The following EBF1 variants were observed in gnomAD, a reference collection of about 807,000 sequenced individuals.
EBF1 encodes transcription factor COE1.
EBF1 carries 10 observed loss-of-function variants against 68.4 expected under a neutral mutation model. The ratio of observed to expected loss-of-function variants is 0.15; its 90% CI spans 0.09 to 0.25. The LOEUF (loss-of-function observed/expected upper bound fraction) is 0.25, where lower values mean the gene tolerates loss of function less well. Ranked by LOEUF, EBF1 falls within the 10% of genes least tolerant of loss-of-function variation. The pLI is 1.00. For missense variants in EBF1, 509 were observed against 794.4 expected (o/e 0.64, Z 4.32); for synonymous variants, 298 against 299.8 (o/e 0.99, Z 0.06).
At chr5:159,053,480 A>G (rs1355296697) in intron 6 of EBF1, among the ~76,000 whole-genome samples, 3 of 152,154 alleles carry the variant, frequency 2.0e-5, no homozygotes, top group Admixed American at 1.3e-4. Flanking sequence ...CTTATTTTAC[A>G]TATTACAGGG....
At chr5:158,895,266 T>A (rs1382044414) in intron 6 of EBF1, among the ~76,000 whole-genome samples, 3 of 152,004 alleles carry the variant, frequency 2.0e-5, no homozygotes, top group African/African-American at 4.8e-5. Flanking sequence ...AAAAACGCAG[T>A]AAAAAAATAA....
At chr5:158,970,141 T>G (rs1329177844) in intron 6 of EBF1, among the ~76,000 whole-genome samples, 1 of 152,194 alleles carries the variant, frequency 6.6e-6, no homozygotes, top group Non-Finnish European at 1.5e-5. Context: ...TTATAAAATA[T>G]TTTATCTGCC....
At chr5:158,830,303 T>A (rs972434876) in intron 7 of EBF1, among the ~76,000 whole-genome samples, 3 of 152,006 alleles carry the variant, frequency 2.0e-5, no homozygotes, top group Non-Finnish European at 4.4e-5. Flanking sequence ...GATGGAGTCT[T>A]GCTCTGTCAC....
chr5:159,095,632 G>C lies in EBF1; in HGVS notation c.399C>G (p.Ser133=). ...TCAAGAAACTTACTTGTTTTGTCAT[G>C]GAGTCAATGAGGCGCACGTAGAAAT... The part of the protein sequence containing the change: ...EQDFYVRLID[S]MTKQAIVYEG... The change falls in exon 4 of 16, where the codon TCC becomes TCG. Residue 133 remains serine, a synonymous_variant. Coordinates refer to ENST00000313708, the MANE Select transcript of EBF1 (RefSeq NM_024007.5). 6.2e-7 allele frequency: 1 copy of C among 1,614,000 alleles called. No homozygotes were observed. Among genetic ancestry groups the C allele is most frequent in the Non-Finnish European group, 8.5e-7 (1 of 1,179,884 alleles).
At chr5:158,955,410 A>G (rs561255317) in intron 6 of EBF1, among the ~76,000 whole-genome samples, 1 of 152,314 alleles carries the variant, frequency 6.6e-6, no homozygotes, top group East Asian at 1.9e-4. Flanking sequence ...CAGCAGACGC[A>G]GGATTCAAAC....
intron 6 of EBF1, among the ~76,000 whole-genome samples, chr5:158,956,727 C>T (rs1016349025): frequency 6.6e-6 from 1 of 151,208 alleles, no homozygotes; most frequent in African/African-American, 2.4e-5. Flanking sequence ...TGTACTACCA[C>T]TCCCACTACC....
chr5:158,903,705 T>C (rs970229151), intron 6 of EBF1, among the ~76,000 whole-genome samples: 1 of 152,194 alleles, frequency 6.6e-6, no homozygotes, highest in Admixed American at 6.5e-5. Flanking sequence ...CTTTATTGAG[T>C]TGAAGAGTCA....
In EBF1 at chr5:158,711,199, G is replaced by GA. The variant is rs549817288; in HGVS notation, c.1549+954dup. ...ATATACACCAAACACAAACAAAGGG[G>GA]AAAAATCCAAGCATTAAAAAATAAA... On this transcript the variant is annotated intron_variant, in intron 14 of 15. Coordinates refer to ENST00000313708, the MANE Select transcript of EBF1 (RefSeq NM_024007.5). 1.2e-4 allele frequency among the ~76,000 whole-genome samples: 18 copies of GA among 152,066 alleles called. No individual in the cohort carries two copies. The South Asian group carries it at 2.3e-3, about 19-fold the overall frequency.
chr5:158,897,886 G>T (rs1038269637), intron 6 of EBF1, among the ~76,000 whole-genome samples: 3 of 152,176 alleles, frequency 2.0e-5, no homozygotes, highest in African/African-American at 4.8e-5. Context: ...AGTGGAAAAT[G>T]GGGATATTAA....
At chr5:158,866,078 T>C (rs1170672930) in intron 6 of EBF1, among the ~76,000 whole-genome samples, 1 of 152,166 alleles carries the variant, frequency 6.6e-6, no homozygotes, top group African/African-American at 2.4e-5. Context: ...GGCATGGAAA[T>C]GGAAGCTCAG....
chr5:159,055,728 G>A (rs1389578159), intron 6 of EBF1, among the ~76,000 whole-genome samples: 1 of 152,176 alleles, frequency 6.6e-6, no homozygotes, highest in Admixed American at 6.5e-5. Context: ...GCCAGGTAAT[G>A]GCAGGAGAAA....
intron 6 of EBF1, among the ~76,000 whole-genome samples, chr5:158,898,026 A>C (rs1000826278): frequency 6.6e-6 from 1 of 152,216 alleles, no homozygotes; most frequent in Admixed American, 6.5e-5. Flanking sequence ...GCTGATTCTA[A>C]AACTGTGTAA....
At chr5:158,810,256 A>G (rs1335673193) in intron 8 of EBF1, among the ~76,000 whole-genome samples, 1 of 152,182 alleles carries the variant, frequency 6.6e-6, no homozygotes, top group East Asian at 1.9e-4. Flanking sequence ...CACGGATAAT[A>G]CACCCAACAG....
intron 6 of EBF1, chr5:158,986,047 A>G (rs1422925144): frequency 6.6e-6 from 1 of 152,526 alleles, no homozygotes; most frequent in African/African-American, 2.4e-5. Flanking sequence ...ATTCTGAGCA[A>G]CTTGGCTCTC....
chr5:158,788,506 G>A (rs968913236), intron 9 of EBF1, among the ~76,000 whole-genome samples: 1 of 152,214 alleles, frequency 6.6e-6, no homozygotes, highest in Non-Finnish European at 1.5e-5. Context: ...TCAAGGTGGT[G>A]TGCTTGAATC....
chr5:158,998,193 T>G (rs1761828938), intron 6 of EBF1, among the ~76,000 whole-genome samples: 1 of 152,154 alleles, frequency 6.6e-6, no homozygotes, highest in Non-Finnish European at 1.5e-5. Context: ...ATTATGAGCT[T>G]CTTCTGGCCA....
At chr5:159,037,315 C>A (rs1770259420) in intron 6 of EBF1, among the ~76,000 whole-genome samples, 1 of 91,210 alleles carries the variant, frequency 1.1e-5, no homozygotes, top group Non-Finnish European at 2.2e-5. Flanking sequence ...GGTATATACC[C>A]AAATGACTAT....
chr5:158,922,003 CA>C (rs1408716271), intron 6 of EBF1, among the ~76,000 whole-genome samples: 1 of 152,220 alleles, frequency 6.6e-6, no homozygotes, highest in Non-Finnish European at 1.5e-5. Context: ...CAGAGACAGA[CA>C]GCGAAAACTC....
intron 6 of EBF1, among the ~76,000 whole-genome samples, chr5:158,854,386 A>G (rs1425548162): frequency 6.6e-6 from 1 of 152,236 alleles, no homozygotes; most frequent in African/African-American, 2.4e-5. Context: ...CTTGAAATTC[A>G]GATGTAGTCA....
Sources: gnomAD v4.1 joint callset for allele counts (sites outside exome capture counted in the v4.1 genomes callset) on GRCh38, gnomAD v4.1.1 for gene constraint, MANE v1.5 for transcripts, NCBI Gene and HGNC (gene_info 2026-07-23, HGNC 2026-07-21) for gene names.